Variants in DAB1 observed in about 807,000 individuals in gnomAD.
The protein encoded by DAB1 is disabled homolog 1.
DAB1 carries 15 observed loss-of-function variants against 64.6 expected under a neutral mutation model. The ratio of observed to expected loss-of-function variants is 0.23; its 90% CI spans 0.16 to 0.36. The LOEUF is 0.36. Among genes scored for constraint, DAB1 ranks in the 10% least tolerant of loss-of-function variants. The pLI, the probability that DAB1 is intolerant of heterozygous loss-of-function variation, is 1.00. For missense variants in DAB1, 596 were observed against 706.7 expected (o/e 0.84, Z 1.78); for synonymous variants, 235 against 251.9 (o/e 0.93, Z 0.64).
intron 6 of DAB1, among the ~76,000 whole-genome samples, chr1:57,740,449 T>C (rs547220701): frequency 1.9e-4 from 29 of 152,136 alleles, no homozygotes; most frequent in Non-Finnish European, 4.0e-4. Flanking sequence ...CATCCGAGTA[T>C]TGTACTGAAA....
intron 12 of DAB1, among the ~76,000 whole-genome samples, chr1:57,014,511 G>A (rs1646361312): frequency 6.6e-6 from 1 of 152,166 alleles, no homozygotes; most frequent in Non-Finnish European, 1.5e-5. Flanking sequence ...GAATGAATGA[G>A]CAAACAAACA....
chr1:57,697,571 CAA>C (rs1201035730), intron 6 of DAB1, among the ~76,000 whole-genome samples: 2 of 151,748 alleles, frequency 1.3e-5, no homozygotes, highest in Non-Finnish European at 2.9e-5. Context: ...GACAATTAGT[CAA>C]AGTCATTAAC....
chr1:57,011,695 C>A (rs1301636643), intron 12 of DAB1, among the ~76,000 whole-genome samples: 3 of 152,228 alleles, frequency 2.0e-5, no homozygotes, highest in African/African-American at 7.2e-5. Flanking sequence ...TTCTGTGTTT[C>A]ATCAGAGGGC....
At chr1:58,530,581 AG>A (rs775204764) in intron 1 of DAB1, 8 of 866,764 alleles carry the variant, frequency 9.2e-6, no homozygotes, top group Non-Finnish European at 1.6e-5. Flanking sequence ...GATCAATTCA[AG>A]TTATTGTCTC....
chr1:57,868,594 T>G (rs1040100730), intron 1 of DAB1, among the ~76,000 whole-genome samples: 4 of 152,098 alleles, frequency 2.6e-5, no homozygotes, highest in Non-Finnish European at 5.9e-5. Flanking sequence ...CAAATCTATC[T>G]CTAGACATTT....
intron 3 of DAB1, among the ~76,000 whole-genome samples, chr1:58,364,093 G>C (rs1644193673): frequency 6.6e-6 from 1 of 152,220 alleles, no homozygotes; most frequent in Non-Finnish European, 1.5e-5. Flanking sequence ...GTTTACAGAA[G>C]TAGAATCTGC....
At position 57,588,221 on chromosome 1, in the gene DAB1, TAAG is replaced by T. The variant is rs75167684; in HGVS notation, n.625+61368_625+61370del. Among the ~76,000 whole-genome samples the T allele has an allele frequency of 1.6e-3, 241 of 152,296 alleles. 3 individuals are homozygous for T. The East Asian group carries it at 0.037, about 23-fold the overall frequency. On this transcript the variant is annotated intron_variant and non_coding_transcript_variant, in intron 7 of 20. Coordinates refer to the DAB1 transcript ENST00000485760. ...TGGAATGTGCATCCCACAGCTGCAT[TAAG>T]ACCAATAGGAAACATCTGTATTCTG... is the stretch of plus-strand genomic sequence containing the variant.
chr1:57,568,165 A>C (rs1645146643), intron 7 of DAB1, among the ~76,000 whole-genome samples: 1 of 152,234 alleles, frequency 6.6e-6, no homozygotes, highest in African/African-American at 2.4e-5. Flanking sequence ...GACACAAACA[A>C]GAAATGGGGA....
intron 1 of DAB1, among the ~76,000 whole-genome samples, chr1:57,293,734 C>A (rs1422014444): frequency 1.3e-5 from 2 of 151,782 alleles, no homozygotes; most frequent in African/African-American, 2.4e-5. Flanking sequence ...CAGAAAGTAG[C>A]TGAAATATAT....
chr1:57,160,198 A>G (rs1213607180), intron 2 of DAB1, among the ~76,000 whole-genome samples: 1 of 152,224 alleles, frequency 6.6e-6, no homozygotes, highest in Non-Finnish European at 1.5e-5. Flanking sequence ...TAGGTATATA[A>G]TAGTTTATTT....
chr1:58,222,796 A>G (rs545490012), intron 4 of DAB1, among the ~76,000 whole-genome samples: 2 of 152,310 alleles, frequency 1.3e-5, no homozygotes, highest in East Asian at 3.9e-4. Flanking sequence ...AAATAACACT[A>G]GTTATTATGT....
At position 57,315,421 on chromosome 1, in the gene DAB1, G is replaced by GGAT. The variant is rs1675106926; in HGVS notation, c.-136-24258_-136-24256dup. On this transcript the variant is annotated intron_variant, in intron 1 of 14. Transcript: ENST00000371236. ...GGGCACACCTCAAAAAATATTTGCT[G>GGAT]GATGAACAGATGGGTGGATAGTTAG... 2.6e-5 allele frequency among the ~76,000 whole-genome samples: 4 copies of GGAT among 152,160 alleles called. No individual in the cohort carries two copies. In the South Asian group the frequency reaches 8.3e-4, roughly 32 times the overall value.
In DAB1 at chr1:58,307,041, C is replaced by A. The variant is rs147308577; in HGVS notation, n.309+36311G>T. On this transcript the variant is annotated intron_variant and non_coding_transcript_variant, in intron 4 of 20. Coordinates refer to the DAB1 transcript ENST00000485760. ...AGGTAATTGGGTTGTCATGTGGCAA[C>A]ATCAGAACCAAAAGCTGACTCTTCA... is the stretch of plus-strand genomic sequence containing the variant. Among the ~76,000 whole-genome samples the A allele has an allele frequency of 1.0e-3, 157 of 152,334 alleles. 1 individual carries two copies. The highest frequency in any genetic ancestry group is 3.3e-3 in the African/African-American group (138 of 41,588).
chr1:58,107,303 C>CAA (rs960763989), intron 5 of DAB1, among the ~76,000 whole-genome samples: 23 of 70,874 alleles, frequency 3.2e-4, no homozygotes, highest in East Asian at 2.8e-3. Context: ...ACTAAAAATA[C>CAA]AAAAAAAAAA....
intron 7 of DAB1, among the ~76,000 whole-genome samples, chr1:57,523,694 G>A (rs1401126105): frequency 6.6e-6 from 1 of 152,148 alleles, no homozygotes; most frequent in Non-Finnish European, 1.5e-5. Flanking sequence ...GGCCAAGGCA[G>A]GTGGATTACT....
At position 57,544,030 on chromosome 1, in the gene DAB1, G is replaced by T. The variant is rs543808119; in HGVS notation, n.625+105562C>A. On this transcript the variant is annotated intron_variant and non_coding_transcript_variant, in intron 7 of 20. Transcript: ENST00000485760. ...GGCTGAGGTGGGAGGATCATCTGAGGTAGAAGCCAGAGTCTGGGGCTACAG... is the reference window on the plus strand; with the variant it reads ...GGCTGAGGTGGGAGGATCATCTGAGTTAGAAGCCAGAGTCTGGGGCTACAG... Among the ~76,000 whole-genome samples, 6 of 152,168 alleles carry T rather than the reference G, an allele frequency of 3.9e-5. No individual in the cohort carries two copies. In the East Asian group the frequency reaches 1.2e-3, roughly 29 times the overall value.
intron 9 of DAB1, among the ~76,000 whole-genome samples, chr1:57,040,656 C>G (rs968894230): frequency 6.6e-6 from 1 of 152,120 alleles, no homozygotes; most frequent in African/African-American, 2.4e-5. Context: ...CACAGAAAAC[C>G]AGAAATCAAA....
chr1:57,849,109 G>C (rs1178862011), intron 1 of DAB1, among the ~76,000 whole-genome samples: 1 of 152,172 alleles, frequency 6.6e-6, no homozygotes, highest in South Asian at 2.1e-4. Flanking sequence ...CAGGATGCTT[G>C]AGACAGGGGA....
chr1:57,780,745 CT>C (rs1029575033), intron 6 of DAB1, among the ~76,000 whole-genome samples: 1 of 148,350 alleles, frequency 6.7e-6, no homozygotes, highest in African/African-American at 2.5e-5. Flanking sequence ...TCTTTTCTTT[CT>C]TTTTTTTCTT....
Sources: gnomAD v4.1 joint callset for allele counts (sites outside exome capture counted in the v4.1 genomes callset) on GRCh38, gnomAD v4.1.1 for gene constraint, MANE v1.5 for transcripts, NCBI Gene and HGNC (gene_info 2026-07-23, HGNC 2026-07-21) for gene names.